CPA6: variants seen among roughly 807,000 people sequenced by gnomAD.
CPA6 encodes the protein carboxypeptidase A6, also known as carboxypeptidase B.
In CPA6, 58 loss-of-function variants were observed where a neutral mutation model predicts 63.3. The ratio of observed to expected loss-of-function variants is 0.92; its 90% CI spans 0.74 to 1.14. CPA6 has a LOEUF of 1.14. CPA6 is among the 50% of genes most tolerant of loss of function. The pLI, the probability that CPA6 is intolerant of heterozygous loss-of-function variation, is 0.00. For missense variants in CPA6, 565 were observed against 526.6 expected, an observed-to-expected ratio of 1.07 and a Z score of -0.71; for synonymous variants, 185 against 179.0, an observed-to-expected ratio of 1.03 and a Z score of -0.27.
At chr8:67,504,305 A>G (rs1332716621) in intron 6 of CPA6, among the ~76,000 whole-genome samples, 1 of 152,202 alleles carries the variant, frequency 6.6e-6, no homozygotes, top group Non-Finnish European at 1.5e-5. Flanking sequence ...GGCAGACTTT[A>G]ATGTGATCCA....
chr8:67,698,902 T>C (rs1816962964), intron 1 of CPA6, among the ~76,000 whole-genome samples: 1 of 152,172 alleles, frequency 6.6e-6, no homozygotes, highest in Admixed American at 6.6e-5. Flanking sequence ...GTTTCCTGAA[T>C]GTGGCTTCAA....
At position 67,483,852 on chromosome 8, in the gene CPA6, A is replaced by ATTT. The variant is rs768223216; in HGVS notation, c.753_754insAAA (p.Arg251_Phe252insLys). ...TTCCTTGACCTTGTTTTTCTCCAAA[A>ATTT]TCGATCCTAGACATAATTAAGAAAA... On this transcript the variant is annotated inframe_insertion, in exon 8 of 11. Transcript: ENST00000297770. 6.2e-7 allele frequency: 1 copy of ATTT among 1,613,616 alleles called. No homozygotes were observed. Among genetic ancestry groups the ATTT allele is most frequent in the East Asian group, 2.2e-5 (1 of 44,868 alleles).
intron 2 of CPA6, among the ~76,000 whole-genome samples, chr8:67,602,037 A>G (rs2128983365): frequency 6.6e-6 from 1 of 152,328 alleles, no homozygotes; most frequent in South Asian, 2.1e-4. Flanking sequence ...GTAAAAAGGA[A>G]GAAGCTTTTT....
chr8:67,738,914 C>T (rs1237472233), intron 1 of CPA6, among the ~76,000 whole-genome samples: 1 of 152,154 alleles, frequency 6.6e-6, no homozygotes, highest in Non-Finnish European at 1.5e-5. Context: ...TTTCTATTTT[C>T]TGTTCAGTCA....
chr8:67,684,955 C>T (rs1423344796), intron 1 of CPA6, among the ~76,000 whole-genome samples: 2 of 152,154 alleles, frequency 1.3e-5, no homozygotes, highest in Non-Finnish European at 2.9e-5. Context: ...CACCCACTTA[C>T]CCTGCCCTGC....
chr8:67,492,578 A>G (rs1187697773), intron 6 of CPA6, among the ~76,000 whole-genome samples: 1 of 152,186 alleles, frequency 6.6e-6, no homozygotes, highest in Non-Finnish European at 1.5e-5. Flanking sequence ...ATCATTTCCC[A>G]ATACATGTAT....
At chr8:67,502,635 A>G (rs1811851302) in intron 6 of CPA6, among the ~76,000 whole-genome samples, 1 of 152,160 alleles carries the variant, frequency 6.6e-6, no homozygotes. Flanking sequence ...TTTCCCTCTC[A>G]GCACTGCTTT....
intron 8 of CPA6, among the ~76,000 whole-genome samples, chr8:67,445,178 T>C (rs1810383774): frequency 1.3e-5 from 2 of 152,096 alleles, no homozygotes; most frequent in South Asian, 2.1e-4. Context: ...AGAAAATATA[T>C]AAAATGATGG....
intron 2 of CPA6, among the ~76,000 whole-genome samples, chr8:67,532,722 A>G (rs996907049): frequency 6.6e-6 from 1 of 152,120 alleles, no homozygotes. Flanking sequence ...TTTCCTAGGA[A>G]AACATAATTT....
chr8:67,691,610 C>T (rs371213372), intron 1 of CPA6, among the ~76,000 whole-genome samples: 2 of 152,274 alleles, frequency 1.3e-5, no homozygotes, highest in East Asian at 1.9e-4. Flanking sequence ...AAAAAACATG[C>T]TTTTAATGCT....
chr8:67,671,975 G>A (rs1816357091), intron 1 of CPA6, among the ~76,000 whole-genome samples: 1 of 151,976 alleles, frequency 6.6e-6, no homozygotes, highest in Non-Finnish European at 1.5e-5. Context: ...AATTACAGGT[G>A]CGCACCACCA....
At chr8:67,630,565 T>C (rs770676736) in intron 1 of CPA6, among the ~76,000 whole-genome samples, 3 of 152,264 alleles carry the variant, frequency 2.0e-5, no homozygotes, top group Admixed American at 6.5e-5. Context: ...GAGGTGACAG[T>C]GTGCTGGCAG....
chr8:67,614,515 G>A (rs571891677), intron 2 of CPA6, among the ~76,000 whole-genome samples: 2 of 152,306 alleles, frequency 1.3e-5, no homozygotes, highest in African/African-American at 4.8e-5. Context: ...ACCCGCTGCT[G>A]AATAACTGAG....
At chr8:67,494,468 C>T (rs985250714) in intron 6 of CPA6, among the ~76,000 whole-genome samples, 2 of 152,092 alleles carry the variant, frequency 1.3e-5, no homozygotes, top group Non-Finnish European at 2.9e-5. Flanking sequence ...GAGTGCTATG[C>T]GTAACTCTGG....
chr8:67,619,726 A>C (rs1815037328), intron 2 of CPA6, among the ~76,000 whole-genome samples: 1 of 152,084 alleles, frequency 6.6e-6, no homozygotes, highest in Non-Finnish European at 1.5e-5. Context: ...CAATAAACCA[A>C]CTCAGCAAAG....
chr8:67,459,406 A>C (rs1366514308), intron 8 of CPA6, among the ~76,000 whole-genome samples: 2 of 152,238 alleles, frequency 1.3e-5, no homozygotes, highest in Non-Finnish European at 2.9e-5. Flanking sequence ...ACTGTGGTAC[A>C]TGCAGGGAAT....
chr8:67,544,334 G>A (rs1041283667), intron 2 of CPA6, among the ~76,000 whole-genome samples: 1 of 152,162 alleles, frequency 6.6e-6, no homozygotes, highest in Non-Finnish European at 1.5e-5. Context: ...AGGAAGGAAC[G>A]CTTCCGTGGA....
intron 6 of CPA6, among the ~76,000 whole-genome samples, 189 bp downstream of exon 6, chr8:67,506,598 C>T (rs1811930735): frequency 6.6e-6 from 1 of 152,140 alleles, no homozygotes; most frequent in Non-Finnish European, 1.5e-5. Flanking sequence ...TCCAAGGGCA[C>T]AGGTGAGGAT....
chr8:67,536,263 T>C (rs1037743212), intron 2 of CPA6, among the ~76,000 whole-genome samples: 1 of 152,226 alleles, frequency 6.6e-6, no homozygotes, highest in African/African-American at 2.4e-5. Context: ...GGGAATAGCA[T>C]TGAATCTATA....
Sources: gnomAD v4.1 joint callset for allele counts (sites outside exome capture counted in the v4.1 genomes callset) on GRCh38, gnomAD v4.1.1 for gene constraint, MANE v1.5 for transcripts, NCBI Gene and HGNC (gene_info 2026-07-23, HGNC 2026-07-21) for gene names.